The following RBBP4 variants were observed in gnomAD, a reference collection of about 807,000 sequenced individuals.
RBBP4 encodes histone-binding protein RBBP4.
In RBBP4, 3 loss-of-function variants were observed where a neutral mutation model predicts 57.2. The observed-to-expected ratio is 0.05, with a 90% CI of 0.02 to 0.14. The LOEUF is 0.14. Ranked by LOEUF, RBBP4 falls within the 10% of genes least tolerant of loss-of-function variation. The pLI is 1.00. For missense variants in RBBP4, 107 were observed against 520.6 expected (o/e 0.21, Z 7.73); for synonymous variants, 151 against 171.5 (o/e 0.88, Z 0.93).
In RBBP4 at chr1:32,669,957, A is replaced by G. The variant is rs1396319216; in HGVS notation, c.966+394A>G. On this transcript the variant is annotated intron_variant, in intron 8 of 11. Transcript: ENST00000373493. This position sits in a 1 kb window ranked among gnomAD's most constrained non-coding sequence, Gnocchi z 4.9. ...ACACATGTGCTTTATGCCGTTGCTA[A>G]AAATAGAAATCTATATGCCTATGCT... is the stretch of plus-strand genomic sequence containing the variant. Among the ~76,000 whole-genome samples, 1 of 152,258 alleles carries G rather than the reference A, an allele frequency of 6.6e-6. No homozygotes were observed. Among genetic ancestry groups the G allele is most frequent in the African/African-American group, 2.4e-5 (1 of 41,474 alleles).
At position 32,681,882 on chromosome 1, in the gene RBBP4, T is replaced by C. The variant is rs745828731; in HGVS notation, c.*2177T>C. The C allele has an allele frequency of 3.7e-6, 6 of 1,608,366 alleles. No homozygotes were observed. Among genetic ancestry groups the C allele is most frequent in the Non-Finnish European group, 5.1e-6 (6 of 1,174,804 alleles). On this transcript the variant is annotated 3_prime_UTR_variant, in exon 12 of 12. Coordinates refer to ENST00000373493, the MANE Select transcript of RBBP4 (RefSeq NM_005610.3). ...GCCCCTGTAAAGTTGAAAGAAAAAG[T>C]TTATAACAGTGAACTTCTGAGGTTT...
chr1:32,657,598 T>G (rs1199673520), intron 3 of RBBP4, 26 bp downstream of exon 3: 1 of 1,609,922 alleles, frequency 6.2e-7, no homozygotes, highest in African/African-American at 1.3e-5. Context: ...GTGAAAGAAG[T>G]AAAGATGTGT....
Position 32,680,507 on chromosome 1 carries a change from A to C in RBBP4, c.*802A>C. The C allele has an allele frequency of 6.5e-7, 1 of 1,539,208 alleles. No individual in the cohort carries two copies. Among genetic ancestry groups the C allele is most frequent in the Non-Finnish European group, 8.7e-7 (1 of 1,142,882 alleles). On this transcript the variant is annotated 3_prime_UTR_variant, in exon 12 of 12. Transcript: ENST00000373493. ...AAAAATTAAATTAATCCTTGATAAG[A>C]GTTGCTTTTTTTTTTTAGGAGTTAG... is the stretch of plus-strand genomic sequence containing the variant.
rs1410034557 is a variant in RBBP4, at chr1:32,683,535, C to A, written c.*3830C>A. ...TATTTTGAGTCCTACTAGAAACAAA[C>A]ATTCCAAATGAACTCTGAATGCCTG... is the stretch of plus-strand genomic sequence containing the variant. On this transcript the variant is annotated 3_prime_UTR_variant, in exon 12 of 12. Coordinates refer to ENST00000373493, the MANE Select transcript of RBBP4 (RefSeq NM_005610.3). The A allele has an allele frequency of 1.3e-5, 2 of 153,092 alleles. No homozygotes were observed. The highest frequency in any genetic ancestry group is 2.9e-5 in the Non-Finnish European group (2 of 68,706). 9.5% of individuals were successfully genotyped at this position (153,092 alleles called of 1,614,324 possible).
intron 2 of RBBP4, among the ~76,000 whole-genome samples, chr1:32,653,111 C>T (rs1764890): frequency 0.97 from 148,108 of 152,188 alleles, 72,199 homozygotes; most frequent in East Asian, 1. Context: ...GATAAAATAG[C>T]TTGCATTTAT....
intron 11 of RBBP4, among the ~76,000 whole-genome samples, chr1:32,678,153 G>A (rs754274886): frequency 2.0e-5 from 3 of 152,070 alleles, no homozygotes; most frequent in African/African-American, 4.8e-5. Context: ...AAGAAACCCT[G>A]TACCCATTAG....
intron 1 of RBBP4, 132 bp from the exon 2 acceptor site, chr1:32,651,782 C>T: frequency 2.8e-6 from 3 of 1,080,192 alleles, no homozygotes; most frequent in South Asian, 3.1e-5. Flanking sequence ...AGTGTGGATG[C>T]CTCTGCCGTG....
At position 32,669,701 on chromosome 1, in the gene RBBP4, T is replaced by G; in HGVS notation, c.966+138T>G. ...GTCAGGAGATCGAGACCATCCTGGC[T>G]AACACGGTGAAACCCTGTCTCTACT... On this transcript the variant is annotated intron_variant, in intron 8 of 11. Transcript: ENST00000373493. This position sits in a 1 kb window ranked among gnomAD's most constrained non-coding sequence, Gnocchi z 4.9. The G allele has an allele frequency of 7.5e-7, 1 of 1,326,930 alleles. No individual in the cohort carries two copies. The highest frequency in any genetic ancestry group is 9.7e-7 in the Non-Finnish European group (1 of 1,026,838). 82.2% of individuals were successfully genotyped at this position (1,326,930 alleles called of 1,614,324 possible).
intron 11 of RBBP4, among the ~76,000 whole-genome samples, chr1:32,674,792 A>G (rs1649025452): frequency 6.6e-6 from 1 of 151,486 alleles, no homozygotes; most frequent in South Asian, 2.1e-4. Flanking sequence ...CAGTAGAGCA[A>G]TCTCAGCTCA....
Position 32,684,178 on chromosome 1 carries a change from T to C in RBBP4, c.*4473T>C. On this transcript the variant is annotated 3_prime_UTR_variant, in exon 12 of 12. Transcript: ENST00000373493. ...CAAATCCTCTTTTTGTTTTTGATTC[T>C]AAGGTAAAATTTTCCCTAAGCCCTC... The C allele has an allele frequency of 1.9e-6, 3 of 1,605,910 alleles. No individual in the cohort carries two copies. The highest frequency in any genetic ancestry group is 2.6e-6 in the Non-Finnish European group (3 of 1,174,862).
chr1:32,671,444 A>G (rs937911288), intron 8 of RBBP4, among the ~76,000 whole-genome samples: 2 of 152,110 alleles, frequency 1.3e-5, no homozygotes, highest in East Asian at 1.9e-4. Context: ...TTAGCCAGGC[A>G]TGGTGGTGCA....
intron 11 of RBBP4, among the ~76,000 whole-genome samples, chr1:32,678,567 C>CTTTTTT (rs558897341): frequency 2.3e-5 from 1 of 43,620 alleles, no homozygotes; most frequent in African/African-American, 8.9e-5. Context: ...TATGTGACAG[C>CTTTTTT]TTTTTTTTTT....
Position 32,651,899 on chromosome 1 carries a change from T to C in RBBP4, c.17-15T>C. ...CGTTTGTTTGCTAACTTAAATTTGTTTTTAAAAATTTTAGCAGCCTTCGAC... is the reference window on the plus strand; with the variant it reads ...CGTTTGTTTGCTAACTTAAATTTGTCTTTAAAAATTTTAGCAGCCTTCGAC... On this transcript the variant is annotated splice_polypyrimidine_tract_variant and intron_variant, in intron 1 of 11. Transcript: ENST00000373493. 6.2e-7 allele frequency: 1 copy of C among 1,612,866 alleles called. No homozygotes were observed. The highest frequency in any genetic ancestry group is 8.5e-7 in the Non-Finnish European group (1 of 1,179,508).
At chr1:32,676,116 AG>A (rs1471322418) in intron 11 of RBBP4, among the ~76,000 whole-genome samples, 1 of 152,140 alleles carries the variant, frequency 6.6e-6, no homozygotes, top group African/African-American at 2.4e-5. Context: ...TTGAGGCTAC[AG>A]TGGGCTGTGA....
In RBBP4 at chr1:32,680,199, C is replaced by T. The variant is rs960222261; in HGVS notation, c.*494C>T. On this transcript the variant is annotated 3_prime_UTR_variant, in exon 12 of 12. Transcript: ENST00000373493. ...ACTTTCCAGGATGCACATTTTCATA[C>T]GTAGACCAGTTTCCTCTTGGTTTCT... The T allele has an allele frequency of 4.5e-6, 5 of 1,109,916 alleles. No homozygotes were observed. The highest frequency in any genetic ancestry group is 4.9e-5 in the Admixed American group (1 of 20,534). The allele number at this position is 1,109,916 out of a possible 1,614,324, so 68.8% of individuals were successfully genotyped here.
chr1:32,681,702 G>A lies in RBBP4; in HGVS notation c.*1997G>A. ...CTCTAGAATCTTTTTAAGCAGGTCA[G>A]CCAGTATTTGCAACTTCCACAGGAT... On this transcript the variant is annotated 3_prime_UTR_variant, in exon 12 of 12. Coordinates refer to ENST00000373493, the MANE Select transcript of RBBP4 (RefSeq NM_005610.3). 8.1e-7 allele frequency: 1 copy of A among 1,241,358 alleles called. No individual in the cohort carries two copies. The allele number at this position is 1,241,358 out of a possible 1,614,324, so 76.9% of individuals were successfully genotyped here. A position where few individuals can be genotyped will look rare whatever the true frequency, so the allele number is the denominator to read the frequency against.
intron 11 of RBBP4, among the ~76,000 whole-genome samples, chr1:32,675,816 C>T (rs2148531867): frequency 6.6e-6 from 1 of 152,024 alleles, no homozygotes; most frequent in South Asian, 2.1e-4. Context: ...AGGGGCTGTG[C>T]TCAGTGGCTC....
rs781687331 is a variant in RBBP4 at position 32,684,387 on chromosome 1, A to G, written c.*4682A>G. On this transcript the variant is annotated 3_prime_UTR_variant, in exon 12 of 12. Coordinates refer to ENST00000373493, the MANE Select transcript of RBBP4 (RefSeq NM_005610.3). ...TTCCATTTCCTCCAGCTGTTCCTGC[A>G]TGAGATGGCCAAGAACATTTCTAAT... 3.7e-6 allele frequency: 6 copies of G among 1,614,186 alleles called. No individual in the cohort carries two copies. Among genetic ancestry groups the G allele is most frequent in the East Asian group, 2.2e-5 (1 of 44,886 alleles).
chr1:32,683,897 T>G lies in RBBP4; in HGVS notation c.*4192T>G, dbSNP rs1195386125. ...ATCCACCCTCCTCAGCCTCCCAAAG[T>G]GCTAGGATTACAGGCGTGAGCCACC... On this transcript the variant is annotated 3_prime_UTR_variant, in exon 12 of 12. Coordinates refer to ENST00000373493, the MANE Select transcript of RBBP4 (RefSeq NM_005610.3). The G allele has an allele frequency of 9.9e-7, 1 of 1,007,528 alleles. No homozygotes were observed. Among genetic ancestry groups the G allele is most frequent in the Non-Finnish European group, 1.5e-6 (1 of 668,718 alleles). 62.4% of individuals were successfully genotyped at this position (1,007,528 alleles called of 1,614,324 possible).
Sources: allele counts gnomAD v4.1 joint callset (sites outside exome capture counted in the v4.1 genomes callset), GRCh38; gene constraint gnomAD v4.1.1; non-coding constraint Gnocchi (gnomAD v3.1); transcripts MANE v1.5; gene names NCBI Gene and HGNC (gene_info 2026-07-23, HGNC 2026-07-21).